Variants in CLDN16 observed in about 807,000 individuals in gnomAD.
CLDN16 encodes the protein claudin 16.
In CLDN16, 13 loss-of-function variants were observed where a neutral mutation model predicts 24.6. That is an observed-to-expected ratio of 0.53 (90% confidence interval 0.34 to 0.84). The LOEUF (loss-of-function observed/expected upper bound fraction) is 0.84. CLDN16 is among the 40% of genes least tolerant of loss of function. CLDN16 has a pLI of 0.01. For missense variants in CLDN16, 298 were observed against 292.7 expected, an observed-to-expected ratio of 1.02 and a Z score of -0.13; for synonymous variants, 116 against 106.7, an observed-to-expected ratio of 1.09 and a Z score of -0.54.
chr3:190,395,090 A>G (rs1030621550), intron 1 of CLDN16, among the ~76,000 whole-genome samples: 5 of 152,142 alleles, frequency 3.3e-5, no homozygotes, highest in Admixed American at 3.3e-4. Flanking sequence ...TTGTAATGCC[A>G]TACTTTTAAA....
At chr3:190,295,225 C>T in the CLDN16 span, among the ~76,000 whole-genome samples, 1 of 152,004 alleles carries the variant, frequency 6.6e-6, no homozygotes, top group Non-Finnish European at 1.5e-5. Context: ...CACAATGATA[C>T]ACAGAAACAA....
the CLDN16 span, among the ~76,000 whole-genome samples, chr3:190,305,350 G>C: frequency 6.6e-6 from 1 of 152,224 alleles, no homozygotes; most frequent in Non-Finnish European, 1.5e-5. Flanking sequence ...TCCAGCAGCT[G>C]TCTTTCACTC....
At chr3:190,406,901 C>T (rs905410751) in intron 3 of CLDN16, among the ~76,000 whole-genome samples, 33 of 152,030 alleles carry the variant, frequency 2.2e-4, no homozygotes, top group Non-Finnish European at 4.7e-4. Flanking sequence ...ACCACCACGC[C>T]TGGCTACTTT....
At chr3:190,379,142 C>A (rs1322523659) in intron 3 of CLDN16, among the ~76,000 whole-genome samples, 1 of 152,012 alleles carries the variant, frequency 6.6e-6, no homozygotes, top group African/African-American at 2.4e-5. Context: ...ATCAACTGAA[C>A]AATTGTCAAA....
At chr3:190,381,585 C>A (rs529924082) in intron 3 of CLDN16, among the ~76,000 whole-genome samples, 1 of 151,936 alleles carries the variant, frequency 6.6e-6, no homozygotes, top group East Asian at 1.9e-4. Context: ...TATTTCTATC[C>A]CTGATGTGAT....
chr3:190,327,794 G>A (rs909065166), intron 1 of CLDN16, among the ~76,000 whole-genome samples: 3 of 152,216 alleles, frequency 2.0e-5, no homozygotes, highest in Non-Finnish European at 4.4e-5. Context: ...TACTCAGTAA[G>A]TGAGGGGTAA....
chr3:190,408,402 T>C lies in CLDN16; in HGVS notation c.471T>C (p.Gly157=). 1 of 1,614,180 alleles carries C rather than the reference T, an allele frequency of 6.2e-7. No homozygotes were observed. Among genetic ancestry groups the C allele is most frequent in the African/African-American group, 1.3e-5 (1 of 75,044 alleles). The change falls in exon 4 of 5, where the codon GGT becomes GGC. Residue 157 remains glycine, a synonymous_variant. Coordinates refer to ENST00000264734, the MANE Select transcript of CLDN16 (RefSeq NM_006580.4). The stretch of plus-strand genomic sequence containing the variant: ...TGGTTTTGCACAATATATTTCTTGG[T>C]ATCCAATATAAATTTGGTTGGTCCT... The part of the protein sequence containing the change: ...STLVLHNIFL[G]IQYKFGWSCW...
At chr3:190,344,034 GCAA>G (rs200506137) in intron 1 of CLDN16, among the ~76,000 whole-genome samples, 5,952 of 151,934 alleles carry the variant, frequency 0.039, 388 homozygotes, top group African/African-American at 0.13. Context: ...TTTCACTGCA[GCAA>G]TCATTTTACT....
chr3:190,377,846 T>C (rs1718277853), intron 3 of CLDN16, among the ~76,000 whole-genome samples: 1 of 151,328 alleles, frequency 6.6e-6, no homozygotes, highest in East Asian at 1.9e-4. Flanking sequence ...GCTGTCATCC[T>C]GGGAAAATAC....
intron 1 of CLDN16, among the ~76,000 whole-genome samples, chr3:190,330,332 C>G (rs1427488841): frequency 1.3e-5 from 2 of 152,076 alleles, no homozygotes; most frequent in Non-Finnish European, 2.9e-5. Context: ...TAGTTGTGAT[C>G]CATGTTCTAA....
Position 190,412,079 on chromosome 3 carries a change from G to T in CLDN16, c.*2043G>T, listed in dbSNP as rs1719299317. ...AGAAAATATTTCAGAGAACCATGAT[G>T]ATAATGGATATGTGTGACTGTTTTG... On this transcript the variant is annotated 3_prime_UTR_variant, in exon 5 of 5. Transcript: ENST00000264734. The T allele has an allele frequency of 6.6e-6, 1 of 152,038 alleles. No individual in the cohort carries two copies. Among genetic ancestry groups the T allele is most frequent in the South Asian group, 2.1e-4 (1 of 4,820 alleles). 9.4% of individuals were successfully genotyped at this position (152,038 alleles called of 1,614,324 possible).
intron 4 of CLDN16, 36 bp downstream of exon 4, chr3:190,408,541 C>A (rs1577432978): frequency 1.9e-6 from 3 of 1,581,946 alleles, no homozygotes. Flanking sequence ...TTCCTTGCCT[C>A]CACTATCGTT....
At chr3:190,361,735 A>G in intron 1 of CLDN16, among the ~76,000 whole-genome samples, 1 of 151,806 alleles carries the variant, frequency 6.6e-6, no homozygotes, top group South Asian at 2.1e-4. Context: ...TTTTTCTAAC[A>G]AAGAGCAGCC....
chr3:190,314,607 T>G, the CLDN16 span, among the ~76,000 whole-genome samples: 1 of 151,934 alleles, frequency 6.6e-6, no homozygotes, highest in Non-Finnish European at 1.5e-5. Context: ...TTTCACCATG[T>G]TGCCCAGGAT....
chr3:190,376,388 A>C (rs1042059800), intron 3 of CLDN16, among the ~76,000 whole-genome samples: 4 of 151,378 alleles, frequency 2.6e-5, no homozygotes, highest in Admixed American at 2.6e-4. Flanking sequence ...CACAAAATTG[A>C]AAAAAAAATC....
the CLDN16 span, among the ~76,000 whole-genome samples, chr3:190,300,556 G>A: frequency 1.3e-5 from 2 of 152,340 alleles, no homozygotes; most frequent in East Asian, 3.9e-4. Context: ...AACGATACAA[G>A]CGACTGAATA....
At chr3:190,337,836 A>G (rs942514423) in intron 1 of CLDN16, among the ~76,000 whole-genome samples, 2 of 152,216 alleles carry the variant, frequency 1.3e-5, no homozygotes, top group African/African-American at 4.8e-5. Context: ...TCAGATCAAG[A>G]GAACCCCTTT....
chr3:190,335,947 G>T (rs898021760), intron 1 of CLDN16, among the ~76,000 whole-genome samples: 1 of 152,112 alleles, frequency 6.6e-6, no homozygotes, highest in African/African-American at 2.4e-5. Flanking sequence ...GGTAAGTAGA[G>T]TATTTATAGT....
chr3:190,291,143 C>T, the CLDN16 span, among the ~76,000 whole-genome samples: 1 of 152,012 alleles, frequency 6.6e-6, no homozygotes, highest in South Asian at 2.1e-4. Flanking sequence ...ATGTAAATGG[C>T]CTGCAGTGGG....
Sources: allele counts gnomAD v4.1 joint callset (sites outside exome capture counted in the v4.1 genomes callset), GRCh38; gene constraint gnomAD v4.1.1; transcripts MANE v1.5; gene names NCBI Gene and HGNC (gene_info 2026-07-23, HGNC 2026-07-21).